LRRC9: variants seen among roughly 807,000 people sequenced by gnomAD.
LRRC9 encodes leucine rich repeat containing 9.
LRRC9 carries 122 observed loss-of-function variants against 63.2 expected under a neutral mutation model. That is an observed-to-expected ratio of 1.93 (90% CI 1.67 to 2.24). The LOEUF (loss-of-function observed/expected upper bound fraction) is 2.24. LRRC9 is among the 30% of genes most tolerant of loss of function. The pLI, the probability that LRRC9 is intolerant of heterozygous loss-of-function variation, is 0.00. For synonymous variants in LRRC9, 366 were observed against 213.1 expected (o/e 1.72, Z -6.25); for missense variants, 1,071 against 627.7 (o/e 1.71, Z -7.55).
Position 60,049,574 on chromosome 14 carries a change from T to C in LRRC9, c.3991-3491T>C, listed in dbSNP as rs542868861. Reference sequence around the variant, plus strand: ...AAATTCTTTTAAGAATGTTGAACATTGGCCCCCAGTCTCTTCTGGTTTTTA... The same window carrying C: ...AAATTCTTTTAAGAATGTTGAACATCGGCCCCCAGTCTCTTCTGGTTTTTA... On this transcript the variant is annotated intron_variant, in intron 29 of 31. Transcript: ENST00000445360. Among the ~76,000 whole-genome samples the C allele has an allele frequency of 2.0e-5, 3 of 152,332 alleles. No homozygotes were observed. In the East Asian group the frequency reaches 5.8e-4, roughly 29 times the overall value.
At chr14:60,048,805 T>C (rs2140418226) in intron 29 of LRRC9, among the ~76,000 whole-genome samples, 1 of 152,322 alleles carries the variant, frequency 6.6e-6, no homozygotes, top group African/African-American at 2.4e-5. Context: ...AGCATCATTT[T>C]GATACCAAAA....
chr14:59,948,473 C>T, intron 8 of LRRC9, among the ~76,000 whole-genome samples: 1 of 128,394 alleles, frequency 7.8e-6, no homozygotes, highest in African/African-American at 3.1e-5. Context: ...ATTTGACTTC[C>T]TCTTTTCCTA....
chr14:60,000,856 G>T (rs746596835), intron 19 of LRRC9, among the ~76,000 whole-genome samples: 6 of 152,174 alleles, frequency 3.9e-5, no homozygotes, highest in Admixed American at 3.9e-4. Flanking sequence ...ACTGTCAAAA[G>T]ATATTCTTTA....
At chr14:60,014,740 T>C (rs550781395) in intron 23 of LRRC9, among the ~76,000 whole-genome samples, 1 of 152,104 alleles carries the variant, frequency 6.6e-6, no homozygotes, top group Non-Finnish European at 1.5e-5. Context: ...CTTGCATGGA[T>C]TTGGGTTTTT....
exon 14 of LRRC9, chr14:59,977,252 T>A (rs758242624): frequency 2.9e-6 from 2 of 689,496 alleles, no homozygotes; most frequent in African/African-American, 1.8e-5. Context: ...AAAGTTTTCC[T>A]TGGCCAGAGT....
intron 17 of LRRC9, among the ~76,000 whole-genome samples, chr14:59,991,091 T>C (rs60350379): frequency 1.3e-5 from 2 of 152,358 alleles, no homozygotes; most frequent in African/African-American, 4.8e-5. Flanking sequence ...TCTCTAATAC[T>C]TGGTTTTATA....
intron 26 of LRRC9, among the ~76,000 whole-genome samples, chr14:60,022,360 A>G (rs1245021201): frequency 4.6e-5 from 7 of 151,358 alleles, no homozygotes; most frequent in Non-Finnish European, 1.0e-4. Context: ...ACCTTGCTAA[A>G]CTCCTTTATT....
chr14:60,029,515 A>G (rs1357551976), intron 28 of LRRC9, among the ~76,000 whole-genome samples: 3 of 152,140 alleles, frequency 2.0e-5, no homozygotes, highest in African/African-American at 7.2e-5. Context: ...TTAATCAAGA[A>G]GATCTGCTAA....
intron 15 of LRRC9, among the ~76,000 whole-genome samples, chr14:59,978,632 A>G (rs887062340): frequency 1.3e-5 from 2 of 152,140 alleles, no homozygotes; most frequent in African/African-American, 4.8e-5. Flanking sequence ...TGGGTATTTC[A>G]TTATTTTGGT....
At chr14:59,988,701 G>A (rs1465636936) in intron 17 of LRRC9, among the ~76,000 whole-genome samples, 4 of 151,778 alleles carry the variant, frequency 2.6e-5, no homozygotes, top group East Asian at 1.9e-4. Flanking sequence ...TATTGTCACC[G>A]CATGTAGCCT....
chr14:59,982,052 C>T (rs2140102686), exon 16 of LRRC9: 1 of 698,292 alleles, frequency 1.4e-6, no homozygotes. Flanking sequence ...CGTTTACAGT[C>T]ATATTGTGGT....
chr14:60,032,061 C>A lies in LRRC9; in HGVS notation c.3988C>A (p.Pro1330Thr), dbSNP rs77067680. The A allele has an allele frequency of 3.8e-4, 262 of 696,602 alleles. 2 individuals carry two copies. The East Asian group carries it at 5.7e-3, about 15-fold the overall frequency. The allele number at this position is 696,602 out of a possible 1,614,324, so 43.2% of individuals were successfully genotyped here. The change falls in exon 29 of 32, where the codon CCA (proline) becomes ACA (threonine). Residue 1330 changes from proline to threonine, a missense_variant and splice_region_variant. Pro to Thr is a conservative substitution (Grantham distance 38, BLOSUM62 -1). Coordinates refer to ENST00000445360, the Ensembl canonical transcript of LRRC9. ...CAGGGAGCTTACAGTGTATGGCAAT[C>A]CAGTGAGTATGTTACCATTCTAATT...
At chr14:60,005,983 T>A (rs1003911444) in intron 21 of LRRC9, among the ~76,000 whole-genome samples, 2 of 152,134 alleles carry the variant, frequency 1.3e-5, no homozygotes, top group African/African-American at 2.4e-5. Flanking sequence ...AACGATGCAC[T>A]TTCCAGAATG....
At chr14:60,062,387 T>C (rs1330963285) in intron 31 of LRRC9, among the ~76,000 whole-genome samples, 1 of 152,166 alleles carries the variant, frequency 6.6e-6, no homozygotes, top group Admixed American at 6.5e-5. Context: ...TACATAGTAA[T>C]TCAAAAAGGC....
chr14:59,977,291 G>C, exon 14 of LRRC9: 2 of 700,768 alleles, frequency 2.9e-6, no homozygotes, highest in Middle Eastern at 2.3e-4. Flanking sequence ...GAATCCATCA[G>C]TCAATCCAAC....
At chr14:60,025,951 T>C (rs554638870) in intron 27 of LRRC9, among the ~76,000 whole-genome samples, 1 of 152,208 alleles carries the variant, frequency 6.6e-6, no homozygotes, top group East Asian at 1.9e-4. Flanking sequence ...CTGTCCCAGA[T>C]GTTTTTATAA....
intron 21 of LRRC9, among the ~76,000 whole-genome samples, chr14:60,006,104 A>C (rs969231940): frequency 1.3e-5 from 2 of 152,132 alleles, no homozygotes; most frequent in African/African-American, 4.8e-5. Flanking sequence ...CATCATTTTA[A>C]GGTTATTTGA....
exon 14 of LRRC9, chr14:59,977,320 G>A (rs767991740): frequency 1.1e-4 from 80 of 697,170 alleles, no homozygotes; most frequent in Non-Finnish European, 4.4e-5. Flanking sequence ...GGTTAATTCA[G>A]TGTTCATTCC....
intron 10 of LRRC9, among the ~76,000 whole-genome samples, chr14:59,961,550 T>G (rs1310079698): frequency 6.6e-6 from 1 of 152,096 alleles, no homozygotes; most frequent in Non-Finnish European, 1.5e-5. Flanking sequence ...ACCCACTGTT[T>G]AGAGATAGCT....
Sources: gnomAD v4.1 joint callset for allele counts (sites outside exome capture counted in the v4.1 genomes callset) on GRCh38, gnomAD v4.1.1 for gene constraint, MANE v1.5 for transcripts, NCBI Gene and HGNC (gene_info 2026-07-23, HGNC 2026-07-21) for gene names.